Variants in MCC observed in about 807,000 individuals in gnomAD.
MCC encodes MCC regulator of Wnt signaling pathway.
A neutral mutation model predicts 116.2 loss-of-function variants in MCC; 90 were observed. The observed-to-expected ratio is 0.77, with a 90% confidence interval of 0.65 to 0.92. The LOEUF (loss-of-function observed/expected upper bound fraction) is 0.92, where lower values mean the gene tolerates loss of function less well. Ranked by LOEUF, MCC falls within the 40% of genes least tolerant of loss-of-function variation. MCC has a pLI of 0.00. For synonymous variants in MCC, 578 were observed against 510.5 expected, an observed-to-expected ratio of 1.13 and a Z score of -1.78; for missense variants, 1,516 against 1,312.2, an observed-to-expected ratio of 1.16 and a Z score of -2.40.
At chr5:113,463,973 G>A (rs1771828464) in intron 1 of MCC, among the ~76,000 whole-genome samples, 1 of 152,174 alleles carries the variant, frequency 6.6e-6, no homozygotes, top group Non-Finnish European at 1.5e-5. Context: ...AGAAGACTGT[G>A]GGGTCTTGGC....
intron 3 of MCC, among the ~76,000 whole-genome samples, chr5:113,305,154 A>G (rs1311688418): frequency 6.6e-6 from 1 of 152,168 alleles, no homozygotes; most frequent in Non-Finnish European, 1.5e-5. Context: ...GAGTTCATGA[A>G]GTGCCCATGG....
rs975970876 is a variant in MCC at position 113,294,983 on chromosome 5, G to C, written c.627+45536C>G. 4 of 985,180 alleles carry C rather than the reference G, an allele frequency of 4.1e-6. No individual in the cohort carries two copies. In the African/African-American group the frequency reaches 7.0e-5, roughly 17 times the overall value. 61.0% of individuals were successfully genotyped at this position (985,180 alleles called of 1,614,324 possible). ...ACAGCTGTCTAGCTGCTGGCCACGG[G>C]GTGCGCGGAGGAGGCGGGGCTAGAG... On this transcript the variant is annotated intron_variant, in intron 3 of 18. Coordinates refer to ENST00000408903, the MANE Select transcript of MCC (RefSeq NM_001085377.2).
At chr5:113,268,124 C>A (rs1368776540) in intron 3 of MCC, among the ~76,000 whole-genome samples, 2 of 152,164 alleles carry the variant, frequency 1.3e-5, no homozygotes, top group African/African-American at 4.8e-5. Flanking sequence ...GTTACTGAAA[C>A]AACTCCTCCC....
intron 3 of MCC, among the ~76,000 whole-genome samples, chr5:113,325,286 G>A (rs1767525346): frequency 6.6e-6 from 1 of 152,086 alleles, no homozygotes; most frequent in African/African-American, 2.4e-5. Flanking sequence ...ATATTATAGG[G>A]GCAGCGCTTG....
At chr5:113,301,401 G>T (rs1251171791) in intron 3 of MCC, among the ~76,000 whole-genome samples, 2 of 151,704 alleles carry the variant, frequency 1.3e-5, no homozygotes, top group African/African-American at 4.9e-5. Context: ...GGAGGCAGAG[G>T]TTGCGGCGAG....
intron 3 of MCC, among the ~76,000 whole-genome samples, chr5:113,203,894 A>G (rs887780917): frequency 6.6e-6 from 1 of 152,232 alleles, no homozygotes. Context: ...AAGGCTTTAA[A>G]AAAAGTCACC....
intron 3 of MCC, among the ~76,000 whole-genome samples, chr5:113,170,049 C>T (rs1264526691): frequency 6.6e-6 from 1 of 152,136 alleles, no homozygotes; most frequent in Non-Finnish European, 1.5e-5. Context: ...GATGGATATA[C>T]CCCACACATC....
At chr5:113,197,078 A>G (rs1762448015) in intron 3 of MCC, among the ~76,000 whole-genome samples, 1 of 152,134 alleles carries the variant, frequency 6.6e-6, no homozygotes, top group Non-Finnish European at 1.5e-5. Flanking sequence ...GCATATGTTG[A>G]TATTGTGGAA....
intron 2 of MCC, among the ~76,000 whole-genome samples, chr5:113,373,546 G>A (rs1768893176): frequency 2.0e-5 from 3 of 152,178 alleles, no homozygotes; most frequent in Non-Finnish European, 4.4e-5. Flanking sequence ...GGGTTCAGTT[G>A]TCTGAGAATG....
intron 13 of MCC, among the ~76,000 whole-genome samples, chr5:113,065,192 G>A (rs1254190012): frequency 6.6e-6 from 1 of 152,118 alleles, no homozygotes; most frequent in African/African-American, 2.4e-5. Context: ...TAAACTATGG[G>A]CTCTGGGTGA....
chr5:113,162,542 G>A (rs906638007), intron 3 of MCC, among the ~76,000 whole-genome samples: 2 of 152,044 alleles, frequency 1.3e-5, no homozygotes, highest in East Asian at 3.8e-4. Flanking sequence ...TGTCACCCAG[G>A]TTAGAATGCA....
At chr5:113,265,485 G>A (rs574570367) in intron 3 of MCC, among the ~76,000 whole-genome samples, 8 of 152,170 alleles carry the variant, frequency 5.3e-5, no homozygotes, top group African/African-American at 1.9e-4. Context: ...CTTATACTCC[G>A]CCTTCTAATA....
intron 6 of MCC, among the ~76,000 whole-genome samples, chr5:113,109,508 A>ATCCC (rs1404474531): frequency 6.6e-6 from 1 of 152,092 alleles, no homozygotes; most frequent in African/African-American, 2.4e-5. Flanking sequence ...GAGAATAGGG[A>ATCCC]GTTATTGCTT....
At chr5:113,303,907 G>A (rs564079818) in intron 3 of MCC, among the ~76,000 whole-genome samples, 3 of 152,138 alleles carry the variant, frequency 2.0e-5, no homozygotes, top group South Asian at 2.1e-4. Context: ...CACCCGCCTC[G>A]GCCTCCCAAA....
chr5:113,281,581 T>C (rs775042882), intron 3 of MCC, among the ~76,000 whole-genome samples: 1 of 152,162 alleles, frequency 6.6e-6, no homozygotes, highest in Non-Finnish European at 1.5e-5. Flanking sequence ...AGGGCAAAAG[T>C]CATAAAAATT....
chr5:113,076,085 A>G (rs1754433217), intron 11 of MCC, among the ~76,000 whole-genome samples: 1 of 152,194 alleles, frequency 6.6e-6, no homozygotes, highest in African/African-American at 2.4e-5. Flanking sequence ...TGTAACACTC[A>G]CTGCGAGGGT....
At chr5:113,407,985 C>A (rs1406696242) in intron 1 of MCC, among the ~76,000 whole-genome samples, 1 of 152,150 alleles carries the variant, frequency 6.6e-6, no homozygotes, top group African/African-American at 2.4e-5. Flanking sequence ...ATTTAGGTCT[C>A]CTAACTTCTT....
intron 1 of MCC, among the ~76,000 whole-genome samples, chr5:113,390,503 G>C (rs1363568308): frequency 6.6e-6 from 1 of 152,130 alleles, no homozygotes; most frequent in East Asian, 1.9e-4. Context: ...AAACTGCATG[G>C]TTTCACAATG....
Position 113,174,926 on chromosome 5 carries a change from C to A in MCC, c.628-23504G>T, listed in dbSNP as rs79594329. ...TTTTAAATGTTAAGAAGAGAATTAA[C>A]ATAGTGTGATCTCATTTTTATGAGA... On this transcript the variant is annotated intron_variant, in intron 3 of 18. Coordinates refer to ENST00000408903, the MANE Select transcript of MCC (RefSeq NM_001085377.2). Among the ~76,000 whole-genome samples, 1,016 of 152,006 alleles carry A rather than the reference C, an allele frequency of 6.7e-3. 18 individuals are homozygous for A. Among genetic ancestry groups the A allele is most frequent in the African/African-American group, 0.023 (956 of 41,440 alleles).
Sources: gnomAD v4.1 joint callset for allele counts (sites outside exome capture counted in the v4.1 genomes callset) on GRCh38, gnomAD v4.1.1 for gene constraint, MANE v1.5 for transcripts, NCBI Gene and HGNC (gene_info 2026-07-23, HGNC 2026-07-21) for gene names.